APP: variants seen among roughly 807,000 people sequenced by gnomAD.
APP encodes the protein amyloid beta precursor protein.
APP carries 31 observed loss-of-function variants against 101.4 expected under a neutral mutation model. That is an observed-to-expected ratio of 0.31 (90% CI 0.23 to 0.41). The LOEUF is 0.41. Among genes scored for constraint, APP ranks in the 10% least tolerant of loss-of-function variants. The probability of loss-of-function intolerance (pLI) is 1.00; values close to 1 mark genes in which losing one functional copy is unlikely to be tolerated. For synonymous variants in APP, 366 were observed against 364.4 expected (o/e 1.00, Z -0.05); for missense variants, 839 against 1,003.7 (o/e 0.84, Z 2.22).
At chr21:26,149,022 A>AG (rs1233617530) in intron 1 of APP, among the ~76,000 whole-genome samples, 2 of 152,150 alleles carry the variant, frequency 1.3e-5, no homozygotes, top group Non-Finnish European at 2.9e-5. Context: ...TGGAATTGGG[A>AG]GGGGGAGAGA....
At chr21:25,982,153 C>T (rs1337226094) in intron 9 of APP, among the ~76,000 whole-genome samples, 191 bp downstream of exon 9, 4 of 152,184 alleles carry the variant, frequency 2.6e-5, no homozygotes, top group Non-Finnish European at 5.9e-5. Context: ...TACCTGGATC[C>T]TTCCTAGGCA....
chr21:26,024,628 G>A (rs2044489908), intron 5 of APP, among the ~76,000 whole-genome samples: 1 of 152,220 alleles, frequency 6.6e-6, no homozygotes, highest in Non-Finnish European at 1.5e-5. Context: ...GATATGTAAA[G>A]AGATTAATCC....
At chr21:26,058,577 C>T (rs959915722) in intron 3 of APP, among the ~76,000 whole-genome samples, 1 of 152,154 alleles carries the variant, frequency 6.6e-6, no homozygotes, top group African/African-American at 2.4e-5. Flanking sequence ...AGTACTGCAA[C>T]TAAAACCACA....
intron 8 of APP, among the ~76,000 whole-genome samples, chr21:25,993,884 G>C (rs1012165274): frequency 2.6e-5 from 4 of 152,102 alleles, no homozygotes; most frequent in African/African-American, 9.7e-5. Context: ...CATATGCCTA[G>C]GACAGACTCC....
At chr21:26,021,179 C>G (rs2044321592) in intron 6 of APP, among the ~76,000 whole-genome samples, 1 of 151,592 alleles carries the variant, frequency 6.6e-6, no homozygotes, top group Admixed American at 6.6e-5. Flanking sequence ...TCCCAAATAG[C>G]TGGGATTACA....
At chr21:26,108,198 G>A (rs118111112) in intron 2 of APP, among the ~76,000 whole-genome samples, 1 of 152,256 alleles carries the variant, frequency 6.6e-6, no homozygotes, top group South Asian at 2.1e-4. Flanking sequence ...TCACTGCCAC[G>A]TGAAACGTCA....
At chr21:26,143,679 C>T (rs2063097097) in intron 1 of APP, among the ~76,000 whole-genome samples, 1 of 152,212 alleles carries the variant, frequency 6.6e-6, no homozygotes, top group Non-Finnish European at 1.5e-5. Flanking sequence ...TGCAAGTTTG[C>T]ACCCTTTGAC....
At position 26,022,052 on chromosome 21, in the gene APP, C is replaced by A; in HGVS notation, c.663-10G>T. 1 of 1,613,208 alleles carries A rather than the reference C, an allele frequency of 6.2e-7. No homozygotes were observed. Among genetic ancestry groups the A allele is most frequent in the Non-Finnish European group, 8.5e-7 (1 of 1,179,286 alleles). ...TACTACTTTGTCTTCACTGTGAAGG[C>A]AAACACAAATAACAGAAAAAGTCAA... On this transcript the variant is annotated splice_polypyrimidine_tract_variant and intron_variant, in intron 5 of 17. Coordinates refer to ENST00000346798, the MANE Select transcript of APP (RefSeq NM_000484.4).
chr21:26,131,764 T>C (rs1470169648), intron 1 of APP, among the ~76,000 whole-genome samples: 2 of 152,200 alleles, frequency 1.3e-5, no homozygotes, highest in Non-Finnish European at 2.9e-5. Flanking sequence ...ATGTTATCTA[T>C]TGCACAATAT....
At chr21:25,999,951 C>G (rs1046991292) in intron 7 of APP, 64 bp downstream of exon 7, 1 of 1,564,996 alleles carries the variant, frequency 6.4e-7, no homozygotes, top group Non-Finnish European at 8.7e-7. Context: ...CAATCTGTTA[C>G]AAAAAGCAGA....
chr21:26,069,444 C>A (rs1011773420), intron 3 of APP, among the ~76,000 whole-genome samples: 3 of 152,174 alleles, frequency 2.0e-5, no homozygotes, highest in African/African-American at 7.2e-5. Context: ...CTGCAGCACT[C>A]TCTGCAGTTA....
rs151035863 is a variant in APP, at chr21:25,939,742, G to A, written c.1687+14848C>T. ...TCAGGTTGATTCTTAGCAGAAAATCGAGGGGCTCTCCTGTTACTGTTAATA... is the reference window on the plus strand; with the variant it reads ...TCAGGTTGATTCTTAGCAGAAAATCAAGGGGCTCTCCTGTTACTGTTAATA... On this transcript the variant is annotated intron_variant, in intron 13 of 17. Coordinates refer to ENST00000346798, the MANE Select transcript of APP (RefSeq NM_000484.4). 1.2e-3 allele frequency among the ~76,000 whole-genome samples: 177 copies of A among 152,148 alleles called. 1 individual carries two copies. The highest frequency in any genetic ancestry group is 4.0e-3 in the African/African-American group (167 of 41,520).
At chr21:25,884,235 C>G (rs1208848903) in intron 17 of APP, among the ~76,000 whole-genome samples, 1 of 152,174 alleles carries the variant, frequency 6.6e-6, no homozygotes, top group African/African-American at 2.4e-5. Flanking sequence ...GTGAATCCCT[C>G]CCATCTACCA....
rs371074293 is a variant in APP at position 25,895,176 on chromosome 21, CTTTT to C, written c.2064+2393_2064+2396del. On this transcript the variant is annotated intron_variant, in intron 16 of 17. Transcript: ENST00000346798. ...GACTAGAGTATAGTGTAAATACAAACTTTTTTTTTTTTTTGAGACAGAGTCTTGC... is the reference window on the plus strand; with the variant it reads ...GACTAGAGTATAGTGTAAATACAAACTTTTTTTTTTGAGACAGAGTCTTGC... Among the ~76,000 whole-genome samples the C allele has an allele frequency of 4.2e-5, 6 of 143,688 alleles. No individual in the cohort carries two copies. The South Asian group carries it at 6.5e-4, about 16-fold the overall frequency. 94.3% of individuals were successfully genotyped at this position (143,688 alleles called of 152,430 possible).
chr21:26,062,225 A>AC (rs1414363923), intron 3 of APP, among the ~76,000 whole-genome samples: 180 of 102,294 alleles, frequency 1.8e-3, no homozygotes, highest in Middle Eastern at 4.7e-3. Flanking sequence ...ACAAACAAAC[A>AC]AACAAACACA....
At chr21:25,989,450 T>C (rs1398227657) in intron 8 of APP, among the ~76,000 whole-genome samples, 1 of 152,072 alleles carries the variant, frequency 6.6e-6, no homozygotes, top group Non-Finnish European at 1.5e-5. Context: ...GGCTCTGGGG[T>C]GACCCATAAT....
At chr21:26,050,878 G>C (rs537721816) in intron 5 of APP, 122 bp downstream of exon 5, 8 of 1,186,460 alleles carry the variant, frequency 6.7e-6, no homozygotes, top group Non-Finnish European at 9.7e-6. Context: ...CATAACAGCA[G>C]ACTCTGATGG....
intron 9 of APP, among the ~76,000 whole-genome samples, chr21:25,980,947 G>A (rs754448281): frequency 9.2e-5 from 14 of 152,188 alleles, no homozygotes; most frequent in Non-Finnish European, 1.6e-4. Context: ...AAGAATGAGC[G>A]AAGCAGGGTA....
chr21:25,925,449 T>C (rs1200655817), intron 13 of APP, among the ~76,000 whole-genome samples: 1 of 152,122 alleles, frequency 6.6e-6, no homozygotes, highest in Non-Finnish European at 1.5e-5. Flanking sequence ...CTCTGGGAGT[T>C]TGTTAGACAT....
Sources: allele counts gnomAD v4.1 joint callset (sites outside exome capture counted in the v4.1 genomes callset), GRCh38; gene constraint gnomAD v4.1.1; transcripts MANE v1.5; gene names NCBI Gene and HGNC (gene_info 2026-07-23, HGNC 2026-07-21).